DDX10: variants seen among roughly 807,000 people sequenced by gnomAD.
The protein encoded by DDX10 is DEAD-box helicase 10.
DDX10 carries 74 observed loss-of-function variants against 104.3 expected under a neutral mutation model. The ratio of observed to expected loss-of-function variants is 0.71; its 90% CI spans 0.59 to 0.86. DDX10 has a LOEUF of 0.86. Among genes scored for constraint, DDX10 ranks in the 40% least tolerant of loss-of-function variants. The pLI, the probability that DDX10 is intolerant of heterozygous loss-of-function variation, is 0.00. For synonymous variants in DDX10, 351 were observed against 353.4 expected, an observed-to-expected ratio of 0.99 and a Z score of 0.08; for missense variants, 952 against 1,040.0, an observed-to-expected ratio of 0.92 and a Z score of 1.16.
At chr11:108,867,713 CT>C (rs938889099) in intron 16 of DDX10, among the ~76,000 whole-genome samples, 1 of 152,124 alleles carries the variant, frequency 6.6e-6, no homozygotes, top group Non-Finnish European at 1.5e-5. Flanking sequence ...AACATGTAGT[CT>C]GTTAAAGGCC....
At chr11:108,825,299 C>A (rs945283149) in intron 13 of DDX10, among the ~76,000 whole-genome samples, 1 of 152,044 alleles carries the variant, frequency 6.6e-6, no homozygotes, top group African/African-American at 2.4e-5. Flanking sequence ...GGAATAGAAA[C>A]TGTGTAGGGG....
At chr11:108,902,572 C>T (rs1397781784) in intron 16 of DDX10, among the ~76,000 whole-genome samples, 1 of 152,100 alleles carries the variant, frequency 6.6e-6, no homozygotes, top group African/African-American at 2.4e-5. Context: ...AGCCTTTACC[C>T]TGTTGTAAGC....
At chr11:108,673,427 A>G in intron 1 of DDX10, 40 bp from the exon 2 acceptor site, 1 of 1,398,586 alleles carries the variant, frequency 7.2e-7, no homozygotes, top group Non-Finnish European at 1.0e-6. Flanking sequence ...TGTGTCGTGA[A>G]ACAAATGAGT....
chr11:108,933,022 A>C (rs576326322), intron 17 of DDX10, among the ~76,000 whole-genome samples: 16 of 152,114 alleles, frequency 1.1e-4, no homozygotes, highest in Non-Finnish European at 1.9e-4. Flanking sequence ...AAAAAAATTC[A>C]TGACACTTAC....
chr11:108,927,411 T>G lies in DDX10; in HGVS notation c.2450+9393T>G, dbSNP rs151104354. 2.9e-4 allele frequency among the ~76,000 whole-genome samples: 44 copies of G among 152,316 alleles called. 1 individual carries two copies. Among genetic ancestry groups the G allele is most frequent in the African/African-American group, 9.6e-4 (40 of 41,584 alleles). On this transcript the variant is annotated intron_variant, in intron 17 of 17. Transcript: ENST00000322536. ...CACTTTCTGGCCGCACAGTCTCTTG[T>G]TCAGAGTCAGGCTTACAGAATCCCC...
At chr11:108,835,951 GGCCTT>G (rs1287060302) in intron 13 of DDX10, among the ~76,000 whole-genome samples, 1 of 152,044 alleles carries the variant, frequency 6.6e-6, no homozygotes, top group African/African-American at 2.4e-5. Flanking sequence ...TGTGTTAATT[GGCCTT>G]ACGGTCCCCG....
At chr11:108,883,383 C>A (rs538519566) in intron 16 of DDX10, among the ~76,000 whole-genome samples, 4 of 152,104 alleles carry the variant, frequency 2.6e-5, no homozygotes, top group Non-Finnish European at 4.4e-5. Context: ...ACGAATGAAT[C>A]GTCCCAACTG....
At chr11:108,811,415 A>T (rs1273689369) in intron 13 of DDX10, among the ~76,000 whole-genome samples, 4 of 152,088 alleles carry the variant, frequency 2.6e-5, no homozygotes, top group African/African-American at 9.7e-5. Context: ...AAGGAAGGAT[A>T]CTCCAGGAAA....
intron 6 of DDX10, among the ~76,000 whole-genome samples, chr11:108,685,188 C>T (rs574904539): frequency 2.4e-4 from 36 of 151,906 alleles, no homozygotes; most frequent in East Asian, 5.8e-4. Flanking sequence ...AGCGCGATTC[C>T]GTGGGCGTAG....
At chr11:108,782,848 G>C (rs138238241) in intron 13 of DDX10, among the ~76,000 whole-genome samples, 1 of 152,082 alleles carries the variant, frequency 6.6e-6, no homozygotes, top group Non-Finnish European at 1.5e-5. Context: ...ACCAAATCAC[G>C]AAAGAGTAGT....
intron 7 of DDX10, chr11:108,690,679 C>T (rs2094251194): frequency 5.9e-6 from 1 of 170,920 alleles, no homozygotes; most frequent in Non-Finnish European, 1.3e-5. Flanking sequence ...CACTTTTGCG[C>T]CATGTAATCT....
chr11:108,737,794 A>T (rs958167675), intron 13 of DDX10, among the ~76,000 whole-genome samples: 1 of 152,168 alleles, frequency 6.6e-6, no homozygotes, highest in African/African-American at 2.4e-5. Flanking sequence ...GACAACCATG[A>T]TAAGGCATGC....
chr11:108,895,262 T>A (rs1282930966), intron 16 of DDX10, among the ~76,000 whole-genome samples: 2 of 151,910 alleles, frequency 1.3e-5, no homozygotes, highest in Admixed American at 6.6e-5. Context: ...ATAAGTGATT[T>A]TTTTTTTTGC....
At chr11:108,821,953 A>G (rs1400617691) in intron 13 of DDX10, among the ~76,000 whole-genome samples, 2 of 152,188 alleles carry the variant, frequency 1.3e-5, no homozygotes, top group African/African-American at 4.8e-5. Context: ...TGGTTCTGAG[A>G]CAGTGTGAAG....
At chr11:108,880,602 A>G (rs1025247260) in intron 16 of DDX10, among the ~76,000 whole-genome samples, 2 of 152,224 alleles carry the variant, frequency 1.3e-5, no homozygotes, top group African/African-American at 4.8e-5. Context: ...TTAGCTGGGT[A>G]TTGAAAAAAA....
chr11:108,818,531 A>G (rs991875284), intron 13 of DDX10, among the ~76,000 whole-genome samples: 1 of 152,210 alleles, frequency 6.6e-6, no homozygotes, highest in African/African-American at 2.4e-5. Flanking sequence ...ATTTTAGTCA[A>G]CTCAACCTGT....
intron 10 of DDX10, among the ~76,000 whole-genome samples, 195 bp from the exon 11 acceptor site, chr11:108,715,684 T>C (rs1218656647): frequency 6.6e-6 from 1 of 152,250 alleles, no homozygotes; most frequent in Non-Finnish European, 1.5e-5. Flanking sequence ...GACATGTCAT[T>C]TCTTTCTCCT....
Position 108,811,091 on chromosome 11 carries a change from T to C in DDX10, c.1966-27355T>C, listed in dbSNP as rs183946119. 8.7e-4 allele frequency among the ~76,000 whole-genome samples: 132 copies of C among 152,344 alleles called. 1 individual carries two copies. Among genetic ancestry groups the C allele is most frequent in the African/African-American group, 3.1e-3 (129 of 41,580 alleles). On this transcript the variant is annotated intron_variant, in intron 13 of 17. Transcript: ENST00000322536. ...AGATCACTAGATTCTGTTGAATCAA[T>C]CATAGCTGGCCACTTGATACACTGT...
chr11:108,743,909 G>T (rs1048388241), intron 13 of DDX10, among the ~76,000 whole-genome samples: 4 of 152,094 alleles, frequency 2.6e-5, no homozygotes, highest in African/African-American at 9.7e-5. Context: ...TATAAAAACT[G>T]CCAGGTAATA....
Sources: gnomAD v4.1 joint callset for allele counts (sites outside exome capture counted in the v4.1 genomes callset) on GRCh38, gnomAD v4.1.1 for gene constraint, MANE v1.5 for transcripts, NCBI Gene and HGNC (gene_info 2026-07-23, HGNC 2026-07-21) for gene names.